The following HNF4A variants were observed in gnomAD, a reference collection of about 807,000 sequenced individuals.
The protein encoded by HNF4A is hepatocyte nuclear factor 4 alpha.
A neutral mutation model predicts 52.4 loss-of-function variants in HNF4A; 15 were observed. The observed-to-expected ratio is 0.29, with a 90% CI of 0.19 to 0.44. HNF4A has a LOEUF of 0.44. Ranked by LOEUF, HNF4A falls within the 20% of genes least tolerant of loss-of-function variation. The probability of loss-of-function intolerance (pLI) is 1.00; values close to 1 mark genes in which losing one functional copy is unlikely to be tolerated. For synonymous variants in HNF4A, 280 were observed against 264.4 expected (o/e 1.06, Z -0.57); for missense variants, 479 against 647.2 (o/e 0.74, Z 2.82).
intron 1 of HNF4A, among the ~76,000 whole-genome samples, chr20:44,404,996 TGTGTGTG>T (rs2063475842): frequency 1.4e-5 from 2 of 138,084 alleles, no homozygotes; most frequent in South Asian, 2.4e-4. Flanking sequence ...TGTGTGTGCT[TGTGTGTG>T]GTGTGTGCGT....
chr20:44,411,500 G>C (rs1012470587), intron 3 of HNF4A, among the ~76,000 whole-genome samples: 3 of 151,764 alleles, frequency 2.0e-5, no homozygotes, highest in Non-Finnish European at 4.4e-5. Flanking sequence ...GTGGGTGCGG[G>C]TGCTGGCAGG....
At chr20:44,412,751 G>A (rs1198124260) in intron 3 of HNF4A, among the ~76,000 whole-genome samples, 1 of 152,132 alleles carries the variant, frequency 6.6e-6, no homozygotes, top group African/African-American at 2.4e-5. Context: ...GATCACGACA[G>A]CACTGGGGTG....
chr20:44,410,987 A>G (rs1006546047), intron 3 of HNF4A, among the ~76,000 whole-genome samples: 1 of 152,122 alleles, frequency 6.6e-6, no homozygotes, highest in African/African-American at 2.4e-5. Flanking sequence ...CTGGAAGGCC[A>G]AAGAATCCAG....
rs767885650 is a variant in HNF4A, at chr20:44,423,989, C to T, written c.893-29C>T. On this transcript the variant is annotated intron_variant, in intron 7 of 9. Coordinates refer to ENST00000316099, the MANE Select transcript of HNF4A (RefSeq NM_000457.6). ...AGATGCTCCAGCTGGACCCTGCTGC[C>T]CTCCCTTGCCCACCCTCTTCCATTG... 4 of 1,609,946 alleles carry T rather than the reference C, an allele frequency of 2.5e-6. No individual in the cohort carries two copies. In the African/African-American group the frequency reaches 4.0e-5, roughly 16 times the overall value.
chr20:44,367,872 G>A (rs1251382881), intron 1 of HNF4A, among the ~76,000 whole-genome samples: 3 of 151,878 alleles, frequency 2.0e-5, no homozygotes, highest in Non-Finnish European at 2.9e-5. Flanking sequence ...GTCTCAGAGA[G>A]ACTAAATAGC....
chr20:44,414,402 G>A lies in HNF4A; in HGVS notation c.493-105G>A. ...AGAGCTGGAGGGCACCCACTATCCAGCCCCCTCCCCACATCTGATTCCAGG... is the reference window on the plus strand; with the variant it reads ...AGAGCTGGAGGGCACCCACTATCCAACCCCCTCCCCACATCTGATTCCAGG... On this transcript the variant is annotated intron_variant, in intron 4 of 9. Transcript: ENST00000316099. The A allele has an allele frequency of 3.9e-6, 6 of 1,537,670 alleles. No individual in the cohort carries two copies. In the South Asian group the frequency reaches 6.8e-5, roughly 17 times the overall value.
At chr20:44,366,629 A>G (rs917392175) in intron 1 of HNF4A, among the ~76,000 whole-genome samples, 1 of 152,188 alleles carries the variant, frequency 6.6e-6, no homozygotes, top group Non-Finnish European at 1.5e-5. Flanking sequence ...TCAAAAAGAA[A>G]AAAACAAAAA....
intron 1 of HNF4A, among the ~76,000 whole-genome samples, chr20:44,378,271 ATT>A (rs71195543): frequency 8.7e-5 from 12 of 138,488 alleles, no homozygotes; most frequent in Admixed American, 1.4e-4. Context: ...TTATGCATGT[ATT>A]TTTTTTTTTT....
chr20:44,414,421 T>G, intron 4 of HNF4A, 86 bp from the exon 5 acceptor site: 1 of 1,590,432 alleles, frequency 6.3e-7, no homozygotes, highest in Non-Finnish European at 8.6e-7. Flanking sequence ...CCACATCTGA[T>G]TCCAGGGAGG....
At chr20:44,389,733 A>G (rs1248466207) in intron 1 of HNF4A, 2 of 152,254 alleles carry the variant, frequency 1.3e-5, no homozygotes, top group African/African-American at 2.4e-5. Flanking sequence ...GAGGCACACA[A>G]CCAGTCTAAT....
At chr20:44,411,975 T>G (rs1386508781) in intron 3 of HNF4A, among the ~76,000 whole-genome samples, 2 of 151,774 alleles carry the variant, frequency 1.3e-5, no homozygotes, top group Non-Finnish European at 2.9e-5. Flanking sequence ...GAGGATCGCT[T>G]GAGCCCAGGA....
At chr20:44,428,521 G>T in intron 9 of HNF4A, 34 bp downstream of exon 9, 1 of 1,604,488 alleles carries the variant, frequency 6.2e-7, no homozygotes, top group Non-Finnish European at 8.5e-7. Context: ...CTTGCAAAGG[G>T]TGAGGATGGG....
intron 1 of HNF4A, among the ~76,000 whole-genome samples, chr20:44,368,088 G>A (rs866551324): frequency 1.4e-4 from 15 of 103,824 alleles, no homozygotes; most frequent in African/African-American, 5.3e-4. Context: ...ATATATATAT[G>A]TGTGTGTGTG....
intron 2 of HNF4A, 84 bp downstream of exon 2, chr20:44,406,316 G>A: frequency 7.8e-7 from 1 of 1,278,128 alleles, no homozygotes; most frequent in Non-Finnish European, 1.1e-6. Flanking sequence ...TGAGTGGGTA[G>A]GTCCCAGAGA....
upstream of HNF4A, among the ~76,000 whole-genome samples, chr20:44,400,183 A>G (rs77152422): frequency 1.5e-3 from 232 of 152,324 alleles, 1 homozygote; most frequent in Non-Finnish European, 2.2e-3. Flanking sequence ...GATGAATTTT[A>G]GGACAACCAC....
intron 7 of HNF4A, among the ~76,000 whole-genome samples, chr20:44,421,233 G>T (rs1454873841): frequency 6.6e-6 from 1 of 152,114 alleles, no homozygotes; most frequent in Non-Finnish European, 1.5e-5. Flanking sequence ...ACCCTCTCCT[G>T]TGGCTCTTGG....
intron 1 of HNF4A, among the ~76,000 whole-genome samples, chr20:44,404,939 CGTGTGTGGGAACTGTGTG>C (rs1205952909): frequency 2.1e-4 from 4 of 19,336 alleles, no homozygotes; most frequent in African/African-American, 4.0e-4. Flanking sequence ...GGTGTGTGTG[CGTGTGTGGGAACTGTGTG>C]GTGTGTGTGG....
upstream of HNF4A, among the ~76,000 whole-genome samples, chr20:44,400,321 G>T (rs148023441): frequency 5.5e-3 from 836 of 151,284 alleles, 9 homozygotes; most frequent in African/African-American, 0.019. Flanking sequence ...GGATGGCAAG[G>T]GGGATACGAA....
intron 1 of HNF4A, among the ~76,000 whole-genome samples, chr20:44,385,486 A>C (rs2063211759): frequency 6.6e-6 from 1 of 152,184 alleles, no homozygotes; most frequent in East Asian, 1.9e-4. Flanking sequence ...TTGTTTATTA[A>C]TTTATGGACT....
Sources: gnomAD v4.1 joint callset for allele counts (sites outside exome capture counted in the v4.1 genomes callset) on GRCh38, gnomAD v4.1.1 for gene constraint, MANE v1.5 for transcripts, NCBI Gene and HGNC (gene_info 2026-07-23, HGNC 2026-07-21) for gene names.